CCDC149: variants seen among roughly 807,000 people sequenced by gnomAD.
CCDC149 encodes the protein coiled-coil domain-containing protein 149.
In CCDC149, 45 loss-of-function variants were observed where a neutral mutation model predicts 59.9. The observed-to-expected ratio is 0.75, with a 90% CI of 0.59 to 0.96. The LOEUF (loss-of-function observed/expected upper bound fraction) is 0.96, where lower values mean the gene tolerates loss of function less well. Among genes scored for constraint, CCDC149 ranks in the 40% least tolerant of loss-of-function variants. The pLI, the probability that CCDC149 is intolerant of heterozygous loss-of-function variation, is 0.00. For missense variants in CCDC149, 584 were observed against 664.7 expected, an observed-to-expected ratio of 0.88 and a Z score of 1.33; for synonymous variants, 245 against 260.6, an observed-to-expected ratio of 0.94 and a Z score of 0.58.
chr4:24,932,384 T>A (rs188776451), intron 1 of CCDC149, among the ~76,000 whole-genome samples: 2 of 152,104 alleles, frequency 1.3e-5, no homozygotes, highest in East Asian at 3.9e-4. Flanking sequence ...AAGCTAGAGG[T>A]CTTCACAGAA....
chr4:24,834,391 G>A (rs777397485), intron 8 of CCDC149, among the ~76,000 whole-genome samples: 5 of 152,120 alleles, frequency 3.3e-5, no homozygotes, highest in Admixed American at 6.5e-5. Flanking sequence ...CATTGGAATC[G>A]ACAAGAAGGA....
At chr4:24,858,164 C>T (rs1718144837) in intron 3 of CCDC149, among the ~76,000 whole-genome samples, 1 of 152,212 alleles carries the variant, frequency 6.6e-6, no homozygotes, top group African/African-American at 2.4e-5. Flanking sequence ...CACACGGTGC[C>T]TGCTTATAAT....
intron 1 of CCDC149, among the ~76,000 whole-genome samples, chr4:24,975,553 A>AAGGAG (rs1354547975): frequency 7.6e-6 from 1 of 131,666 alleles, no homozygotes; most frequent in East Asian, 2.6e-4. Context: ...GAAAAGATGA[A>AAGGAG]AGGAGAGGAG....
At chr4:24,824,929 A>G (rs1433985353) in intron 9 of CCDC149, among the ~76,000 whole-genome samples, 1 of 152,250 alleles carries the variant, frequency 6.6e-6, no homozygotes, top group African/African-American at 2.4e-5. Flanking sequence ...TACAAGCCAC[A>G]ATGCTTCAAA....
chr4:24,874,098 C>T (rs1189713558), intron 2 of CCDC149, among the ~76,000 whole-genome samples: 1 of 151,508 alleles, frequency 6.6e-6, no homozygotes, highest in East Asian at 1.9e-4. Context: ...GACACACATA[C>T]ACATATAGAG....
downstream of CCDC149, among the ~76,000 whole-genome samples, chr4:24,803,641 A>G (rs540334562): frequency 1.4e-3 from 219 of 152,350 alleles, 1 homozygote; most frequent in Non-Finnish European, 2.8e-3. The surrounding 1 kb of genome is among the most constrained non-coding windows in gnomAD (Gnocchi z 4.3). Context: ...CTTTAAATGA[A>G]ACTACAAAAT....
At chr4:24,835,095 G>A in intron 7 of CCDC149, 63 bp from the exon 8 acceptor site, 2 of 1,128,080 alleles carry the variant, frequency 1.8e-6, no homozygotes, top group Non-Finnish European at 1.3e-6. Context: ...AAAGTACCTA[G>A]CAGATGCCTT....
At chr4:24,943,436 A>C (rs1239675519) in intron 1 of CCDC149, among the ~76,000 whole-genome samples, 16 of 152,054 alleles carry the variant, frequency 1.1e-4, no homozygotes, top group African/African-American at 3.6e-4. Flanking sequence ...TAAAGACTTA[A>C]ATGTTAGACC....
chr4:24,955,360 G>T (rs927977490), intron 1 of CCDC149, among the ~76,000 whole-genome samples: 1 of 152,134 alleles, frequency 6.6e-6, no homozygotes, highest in Non-Finnish European at 1.5e-5. Context: ...AACCCTCAAG[G>T]CCTAGTCACT....
At chr4:24,912,780 C>A in intron 1 of CCDC149, 37 bp downstream of exon 1, 1 of 1,259,582 alleles carries the variant, frequency 7.9e-7, no homozygotes, top group Non-Finnish European at 1.0e-6. Context: ...GGCCGCTCGG[C>A]CCGGCCCATC....
At chr4:24,942,843 A>G (rs1372329917) in intron 1 of CCDC149, among the ~76,000 whole-genome samples, 3 of 152,234 alleles carry the variant, frequency 2.0e-5, no homozygotes, top group African/African-American at 7.2e-5. Context: ...CTTACAAGGG[A>G]TGTGAGGGAA....
chr4:24,810,804 A>G (rs1714551926), intron 12 of CCDC149, among the ~76,000 whole-genome samples: 1 of 152,256 alleles, frequency 6.6e-6, no homozygotes, highest in Non-Finnish European at 1.5e-5. Context: ...TTTTTCCTCT[A>G]TCAGAATGAC....
At chr4:24,871,615 T>G (rs1719046585) in intron 3 of CCDC149, among the ~76,000 whole-genome samples, 1 of 127,856 alleles carries the variant, frequency 7.8e-6, no homozygotes, top group Non-Finnish European at 1.8e-5. Flanking sequence ...GCTCTCTCAT[T>G]CTCTCTCTCT....
intron 1 of CCDC149, among the ~76,000 whole-genome samples, chr4:24,941,352 AAC>A (rs1722949385): frequency 6.6e-6 from 1 of 152,224 alleles, no homozygotes; most frequent in Non-Finnish European, 1.5e-5. Flanking sequence ...AACCGACGAG[AAC>A]AAAGACACAA....
rs770119292 is a variant in CCDC149, at chr4:24,837,306, A to G, written c.584T>C (p.Leu195Pro). The G allele has an allele frequency of 2.9e-5, 47 of 1,614,042 alleles. No individual in the cohort carries two copies. The highest frequency in any genetic ancestry group is 4.0e-5 in the Non-Finnish European group (47 of 1,180,034). ...CAGGATATGGTTCAGCTCCTGGTTG[A>G]GCCTCTCCACTTTGTCCTGGTAGGA... The change falls in exon 6 of 13, where the codon CTC becomes CCC. Residue 195 changes from leucine (L) to proline (P), a missense_variant. By Grantham distance (98) the Leu-to-Pro change is moderately conservative. Transcript: ENST00000635206. The surrounding 1 kb of genome is among the most constrained non-coding windows in gnomAD (Gnocchi z 4.3).
chr4:24,861,657 T>G (rs1718393406), intron 3 of CCDC149, among the ~76,000 whole-genome samples: 1 of 151,834 alleles, frequency 6.6e-6, no homozygotes, highest in African/African-American at 2.4e-5. Context: ...TGTAACCCCC[T>G]TGTAAGCTGA....
At chr4:24,958,340 C>T (rs1216842957) in intron 1 of CCDC149, among the ~76,000 whole-genome samples, 2 of 152,200 alleles carry the variant, frequency 1.3e-5, no homozygotes, top group Admixed American at 1.3e-4. Flanking sequence ...AGATGGTTTG[C>T]CTTTCTGCCT....
rs540749873 is a variant in CCDC149, at chr4:24,895,071, AG to A, written c.63+17745del. 1.8e-3 allele frequency: 2,598 copies of A among 1,471,326 alleles called. 1 individual carries two copies. Among genetic ancestry groups the A allele is most frequent in the Non-Finnish European group, 2.3e-3 (2,471 of 1,087,740 alleles). The allele number at this position is 1,471,326 out of a possible 1,614,324, so 91.1% of individuals were successfully genotyped here. A position where few individuals can be genotyped will look rare whatever the true frequency, so the allele number is the denominator to read the frequency against. The stretch of plus-strand genomic sequence containing the variant: ...GACGACCATGATGGTGATGATGATG[AG>A]TTAATGACGTGGCAACTATCCACTA... On this transcript the variant is annotated intron_variant, in intron 1 of 12. Coordinates refer to ENST00000635206, the MANE Select transcript of CCDC149 (RefSeq NM_001330643.2).
intron 12 of CCDC149, among the ~76,000 whole-genome samples, chr4:24,809,483 C>T (rs1281828677): frequency 6.6e-6 from 1 of 152,190 alleles, no homozygotes; most frequent in Non-Finnish European, 1.5e-5. Flanking sequence ...ACATCCAGCC[C>T]TCATTTCCCT....
Sources: gnomAD v4.1 joint callset for allele counts (sites outside exome capture counted in the v4.1 genomes callset) on GRCh38, gnomAD v4.1.1 for gene constraint, Gnocchi (gnomAD v3.1) non-coding constraint, MANE v1.5 for transcripts, NCBI Gene and HGNC (gene_info 2026-07-23, HGNC 2026-07-21) for gene names.